Variants in TYR observed in about 807,000 individuals in gnomAD.
TYR encodes the protein tyrosinase.
Under a neutral mutation model 51.5 loss-of-function variants are expected in TYR, and 58 were observed. The ratio of observed to expected loss-of-function variants is 1.13; its 90% CI spans 0.91 to 1.40. The LOEUF (loss-of-function observed/expected upper bound fraction) is 1.40. Ranked by LOEUF, TYR falls within the 40% of genes most tolerant of loss-of-function variation. TYR has a pLI of 0.00. For missense variants in TYR, 732 were observed against 647.4 expected, an observed-to-expected ratio of 1.13 and a Z score of -1.42; for synonymous variants, 263 against 235.2, an observed-to-expected ratio of 1.12 and a Z score of -1.08.
At chr11:89,240,640 A>G (rs1372708950) in intron 3 of TYR, among the ~76,000 whole-genome samples, 1 of 152,004 alleles carries the variant, frequency 6.6e-6, no homozygotes, top group Non-Finnish European at 1.5e-5. Flanking sequence ...GGTCATGAAC[A>G]TTTGTTTCTT....
chr11:89,252,817 T>C (rs369473987), intron 3 of TYR, among the ~76,000 whole-genome samples: 1 of 151,784 alleles, frequency 6.6e-6, no homozygotes, highest in Non-Finnish European at 1.5e-5. Context: ...AGGAGTTTCA[T>C]GCTTCAACAT....
intron 1 of TYR, among the ~76,000 whole-genome samples, chr11:89,184,469 G>T (rs191326395): frequency 6.6e-6 from 1 of 152,062 alleles, no homozygotes; most frequent in Non-Finnish European, 1.5e-5. Context: ...CCATTAACAC[G>T]TCATAATTAA....
intron 3 of TYR, 95 bp downstream of exon 3, chr11:89,228,065 A>C: frequency 6.8e-7 from 1 of 1,473,700 alleles, no homozygotes; most frequent in Non-Finnish European, 9.4e-7. Flanking sequence ...AAAGCTAAGA[A>C]GTTATGGTAG....
At chr11:89,293,987 A>G (rs1944877228) in intron 4 of TYR, 5 of 269,224 alleles carry the variant, frequency 1.9e-5, no homozygotes. Context: ...ATTTGCTGTC[A>G]TTAGATTCAT....
At chr11:89,246,817 C>T (rs1316664015) in intron 3 of TYR, among the ~76,000 whole-genome samples, 1 of 152,054 alleles carries the variant, frequency 6.6e-6, no homozygotes, top group African/African-American at 2.4e-5. Context: ...TAAGAAAGGT[C>T]CCTGGGGCTT....
rs373701619 is a variant in TYR at position 89,189,882 on chromosome 11, A to G, written c.820-1320A>G. Among the ~76,000 whole-genome samples, 51 of 152,236 alleles carry G rather than the reference A, an allele frequency of 3.4e-4. 1 individual carries two copies. In the South Asian group the frequency reaches 0.01, roughly 30 times the overall value. ...CTAAAATACAGTAGTATGCCACACAATGGCATTTCTGTCAAGGATGGACCA... is the reference window on the plus strand; with the variant it reads ...CTAAAATACAGTAGTATGCCACACAGTGGCATTTCTGTCAAGGATGGACCA... On this transcript the variant is annotated intron_variant, in intron 1 of 4. Coordinates refer to ENST00000263321, the MANE Select transcript of TYR (RefSeq NM_000372.5).
chr11:89,275,664 A>G (rs950742853), intron 3 of TYR, among the ~76,000 whole-genome samples: 1 of 151,898 alleles, frequency 6.6e-6, no homozygotes, highest in African/African-American at 2.4e-5. Flanking sequence ...GAGTAGGCTC[A>G]GATTCTCTAG....
intron 2 of TYR, among the ~76,000 whole-genome samples, chr11:89,214,306 G>A (rs1943803784): frequency 6.6e-6 from 1 of 152,222 alleles, no homozygotes; most frequent in South Asian, 2.1e-4. Context: ...GGTCATCAGA[G>A]AAATGCAAAT....
intron 3 of TYR, among the ~76,000 whole-genome samples, chr11:89,234,235 G>T (rs1944083985): frequency 7.0e-6 from 1 of 143,524 alleles, no homozygotes; most frequent in Admixed American, 6.9e-5. Flanking sequence ...TGTTTCTGCA[G>T]CTTCCTCACC....
At chr11:89,277,854 C>T (rs1944674132) in intron 3 of TYR, among the ~76,000 whole-genome samples, 1 of 151,686 alleles carries the variant, frequency 6.6e-6, no homozygotes, top group African/African-American at 2.4e-5. Flanking sequence ...AACTCCTACT[C>T]TTCCTCAGTC....
At chr11:89,210,632 C>A (rs1346561011) in intron 2 of TYR, among the ~76,000 whole-genome samples, 2 of 152,100 alleles carry the variant, frequency 1.3e-5, no homozygotes. Flanking sequence ...TAAAGATACT[C>A]CTCGAGAAGA....
chr11:89,180,069 A>G (rs1943281527), intron 1 of TYR, among the ~76,000 whole-genome samples: 1 of 152,206 alleles, frequency 6.6e-6, no homozygotes, highest in Admixed American at 6.5e-5. Context: ...AGTTCATTTA[A>G]AAAATAGCCA....
chr11:89,259,599 G>A (rs1944433876), intron 3 of TYR, among the ~76,000 whole-genome samples: 1 of 152,062 alleles, frequency 6.6e-6, no homozygotes, highest in Admixed American at 6.6e-5. Flanking sequence ...AAAATAGTAA[G>A]CCAAAGTCAA....
At chr11:89,283,077 G>A (rs1488090300) in intron 3 of TYR, among the ~76,000 whole-genome samples, 2 of 151,740 alleles carry the variant, frequency 1.3e-5, no homozygotes, top group Non-Finnish European at 2.9e-5. Flanking sequence ...ATAGAACTCA[G>A]ATTTTTACAC....
intron 3 of TYR, among the ~76,000 whole-genome samples, chr11:89,254,079 T>C (rs1944361040): frequency 6.6e-6 from 1 of 151,900 alleles, no homozygotes; most frequent in Non-Finnish European, 1.5e-5. Flanking sequence ...TCTATTGAGA[T>C]GATCATGTGA....
At position 89,264,407 on chromosome 11, in the gene TYR, A is replaced by G. The variant is rs1056719241; in HGVS notation, c.1185-20366A>G. ...TTTTACCTTTTAAGTTCAGGGGTACATGTGCAGGTTGATTACATAGGTAAA... is the reference window on the plus strand; with the variant it reads ...TTTTACCTTTTAAGTTCAGGGGTACGTGTGCAGGTTGATTACATAGGTAAA... On this transcript the variant is annotated intron_variant, in intron 3 of 4. Transcript: ENST00000263321. Among the ~76,000 whole-genome samples the G allele has an allele frequency of 4.6e-4, 70 of 151,926 alleles. 1 individual carries two copies. The highest frequency in any genetic ancestry group is 1.6e-3 in the African/African-American group (65 of 41,464).
intron 4 of TYR, among the ~76,000 whole-genome samples, chr11:89,292,942 C>T (rs189204890): frequency 8.5e-5 from 13 of 152,078 alleles, no homozygotes; most frequent in Admixed American, 2.6e-4. Flanking sequence ...CTAGAGGAAT[C>T]GTTAAATGTC....
intron 3 of TYR, among the ~76,000 whole-genome samples, chr11:89,261,858 A>G (rs1437173346): frequency 1.3e-5 from 2 of 152,100 alleles, no homozygotes; most frequent in African/African-American, 2.4e-5. Context: ...ATATTCTCCA[A>G]CCACAATGGA....
At chr11:89,196,968 G>A (rs1284771109) in intron 2 of TYR, among the ~76,000 whole-genome samples, 3 of 152,146 alleles carry the variant, frequency 2.0e-5, no homozygotes, top group Non-Finnish European at 4.4e-5. Context: ...ACCATCAAGT[G>A]AAGAAACTCC....
Sources: gnomAD v4.1 joint callset for allele counts (sites outside exome capture counted in the v4.1 genomes callset) on GRCh38, gnomAD v4.1.1 for gene constraint, MANE v1.5 for transcripts, NCBI Gene and HGNC (gene_info 2026-07-23, HGNC 2026-07-21) for gene names.